Variants in NRXN3 observed in about 807,000 individuals in gnomAD.
NRXN3 encodes the protein neurexin III.
In NRXN3, 32 loss-of-function variants were observed where a neutral mutation model predicts 137.6. That is an observed-to-expected ratio of 0.23 (90% CI 0.18 to 0.31). The LOEUF is 0.31. Among genes scored for constraint, NRXN3 ranks in the 10% least tolerant of loss-of-function variants. The pLI is 1.00. For missense variants in NRXN3, 1,574 were observed against 2,062.5 expected (o/e 0.76, Z 4.59); for synonymous variants, 798 against 784.5 (o/e 1.02, Z -0.29).
chr14:79,369,709 A>G (rs1207339407), intron 15 of NRXN3, among the ~76,000 whole-genome samples: 8 of 152,140 alleles, frequency 5.3e-5, no homozygotes, highest in African/African-American at 1.9e-4. Context: ...GATCCTTCTC[A>G]CTTTAATCAG....
At chr14:79,777,730 G>T (rs575933830) in intron 19 of NRXN3, among the ~76,000 whole-genome samples, 78 of 151,914 alleles carry the variant, frequency 5.1e-4, no homozygotes, top group African/African-American at 1.8e-3. Flanking sequence ...AGTAAAATAA[G>T]AATTTTGTGG....
intron 15 of NRXN3, among the ~76,000 whole-genome samples, chr14:79,292,541 A>C (rs1318989784): frequency 6.6e-6 from 1 of 152,224 alleles, no homozygotes; most frequent in African/African-American, 2.4e-5. Flanking sequence ...TGTGGCATTC[A>C]TCTTTCATTA....
intron 15 of NRXN3, among the ~76,000 whole-genome samples, chr14:79,055,373 C>A (rs976543975): frequency 3.9e-5 from 6 of 152,040 alleles, no homozygotes; most frequent in Non-Finnish European, 8.8e-5. Context: ...AATATTACTC[C>A]GACTGTACAG....
At chr14:79,054,299 T>C (rs375441696) in intron 15 of NRXN3, among the ~76,000 whole-genome samples, 2 of 151,992 alleles carry the variant, frequency 1.3e-5, no homozygotes, top group African/African-American at 4.8e-5. Context: ...ACCCTAAAAC[T>C]TAAAGTATAT....
At chr14:79,776,853 A>G (rs568126332) in intron 19 of NRXN3, among the ~76,000 whole-genome samples, 1 of 152,370 alleles carries the variant, frequency 6.6e-6, no homozygotes, top group South Asian at 2.1e-4. Context: ...TTTACAAGCC[A>G]AGAATGCACT....
chr14:78,211,295 G>A (rs2062718229), intron 1 of NRXN3, among the ~76,000 whole-genome samples: 1 of 152,214 alleles, frequency 6.6e-6, no homozygotes, highest in African/African-American at 2.4e-5. Flanking sequence ...CTAGGCTCTT[G>A]TGGGTGGCAC....
chr14:78,210,576 T>C (rs1443479886), intron 1 of NRXN3, among the ~76,000 whole-genome samples: 2 of 152,110 alleles, frequency 1.3e-5, no homozygotes, highest in African/African-American at 4.8e-5. Context: ...ATTTGAGTAC[T>C]GGCAAATGTA....
intron 15 of NRXN3, among the ~76,000 whole-genome samples, chr14:79,198,531 C>T (rs181405163): frequency 7.9e-5 from 12 of 152,200 alleles, no homozygotes; most frequent in African/African-American, 2.6e-4. Context: ...CACAGCTGAA[C>T]GATGTGCATT....
intron 15 of NRXN3, among the ~76,000 whole-genome samples, chr14:79,185,422 TG>T (rs1482542801): frequency 6.6e-6 from 1 of 152,154 alleles, no homozygotes; most frequent in Non-Finnish European, 1.5e-5. Context: ...CAAACAATTC[TG>T]TAACATCTAT....
chr14:79,789,717 G>A (rs530106054), intron 19 of NRXN3, among the ~76,000 whole-genome samples: 5 of 152,270 alleles, frequency 3.3e-5, no homozygotes, highest in African/African-American at 9.6e-5. Flanking sequence ...CACTCTCATC[G>A]CCATCTTGGT....
intron 1 of NRXN3, among the ~76,000 whole-genome samples, chr14:78,213,414 G>A (rs1241178905): frequency 6.6e-6 from 1 of 151,936 alleles, no homozygotes; most frequent in Non-Finnish European, 1.5e-5. Context: ...GAAGGAGGGA[G>A]AGTGTTCAGA....
At chr14:78,187,921 T>C (rs967269730) in intron 1 of NRXN3, among the ~76,000 whole-genome samples, 1 of 151,524 alleles carries the variant, frequency 6.6e-6, no homozygotes, top group Non-Finnish European at 1.5e-5. Flanking sequence ...CTATGTAGAG[T>C]TGGGAAATTT....
chr14:78,873,620 TC>T (rs1225855902), intron 10 of NRXN3, among the ~76,000 whole-genome samples: 3 of 152,170 alleles, frequency 2.0e-5, no homozygotes, highest in Non-Finnish European at 2.9e-5. Context: ...TTCCTTCAGT[TC>T]CCCACAGGAA....
chr14:79,547,042 T>C (rs971133162), intron 16 of NRXN3, among the ~76,000 whole-genome samples: 6 of 152,182 alleles, frequency 3.9e-5, no homozygotes, highest in African/African-American at 1.2e-4. Flanking sequence ...CTTAATGATC[T>C]GATTCCCATG....
At chr14:78,692,237 C>T (rs925392550) in intron 6 of NRXN3, among the ~76,000 whole-genome samples, 6 of 152,066 alleles carry the variant, frequency 3.9e-5, no homozygotes, top group African/African-American at 1.4e-4. Flanking sequence ...TTTCTGTGGT[C>T]TTGACTTCTT....
chr14:79,342,505 T>A (rs1293464645), intron 15 of NRXN3, among the ~76,000 whole-genome samples: 1 of 152,198 alleles, frequency 6.6e-6, no homozygotes, highest in East Asian at 1.9e-4. Context: ...TACTTTTTTT[T>A]TTTTTCCTTT....
chr14:78,694,884 G>A (rs2098210581), intron 6 of NRXN3, among the ~76,000 whole-genome samples: 1 of 151,986 alleles, frequency 6.6e-6, no homozygotes, highest in Admixed American at 6.6e-5. Context: ...AGGAGCTGAG[G>A]AATGAGCAGC....
intron 4 of NRXN3, among the ~76,000 whole-genome samples, chr14:78,574,336 A>C (rs1022512018): frequency 6.6e-6 from 1 of 152,214 alleles, no homozygotes; most frequent in African/African-American, 2.4e-5. Context: ...CATCCTCCAG[A>C]CTTCAGAATG....
intron 15 of NRXN3, among the ~76,000 whole-genome samples, chr14:79,181,681 CAA>C (rs10658164): frequency 5.1e-4 from 50 of 97,474 alleles, no homozygotes; most frequent in Admixed American, 7.2e-4. Flanking sequence ...GACCCTGTCT[CAA>C]AAAAAAAAAA....
Sources: gnomAD v4.1 joint callset for allele counts (sites outside exome capture counted in the v4.1 genomes callset) on GRCh38, gnomAD v4.1.1 for gene constraint, MANE v1.5 for transcripts, NCBI Gene and HGNC (gene_info 2026-07-23, HGNC 2026-07-21) for gene names.